The following RORC variants were observed in gnomAD, a reference collection of about 807,000 sequenced individuals.
The protein encoded by RORC is RAR related orphan receptor C.
In RORC, 13 loss-of-function variants were observed where a neutral mutation model predicts 64.5. That is an observed-to-expected ratio of 0.20 (90% confidence interval 0.13 to 0.32). The LOEUF is 0.32. RORC is among the 10% of genes least tolerant of loss of function. RORC has a pLI of 1.00. For synonymous variants in RORC, 277 were observed against 259.3 expected (o/e 1.07, Z -0.65); for missense variants, 468 against 669.5 (o/e 0.70, Z 3.32).
In RORC at chr1:151,807,705, C is replaced by T. The variant is rs1572032474; in HGVS notation, c.1396-72G>A. The T allele has an allele frequency of 6.6e-7, 1 of 1,521,482 alleles. No homozygotes were observed. Among genetic ancestry groups the T allele is most frequent in the Non-Finnish European group, 9.0e-7 (1 of 1,113,720 alleles). The allele number at this position is 1,521,482 out of a possible 1,614,324, so 94.2% of individuals were successfully genotyped here. On this transcript the variant is annotated intron_variant, in intron 10 of 10. Coordinates refer to ENST00000318247, the MANE Select transcript of RORC (RefSeq NM_005060.4). This position sits in a 1 kb window ranked among gnomAD's most constrained non-coding sequence, Gnocchi z 5.0. ...CTCAGAGCAAAGAAGTCCGCTCATT[C>T]TTCCTGGGCTAGGACAAACCCTCCT...
Position 151,813,312 on chromosome 1 carries a change from C to T in RORC, c.1101G>A (p.Arg367=), listed in dbSNP as rs1185658864. The T allele has an allele frequency of 3.1e-6, 5 of 1,614,120 alleles. No homozygotes were observed. Among genetic ancestry groups the T allele is most frequent in the Non-Finnish European group, 3.4e-6 (4 of 1,180,018 alleles). The change falls in exon 8 of 11, where the codon CGG becomes CGA. Residue 367 remains arginine, a synonymous_variant. Coordinates refer to ENST00000318247, the MANE Select transcript of RORC (RefSeq NM_005060.4). ...AMEVVLVRMC[R]AYNADNRTVF... ...CCGTGCGGTTGTCAGCATTGTAGGC[C>T]CGGCACATCCTAACCAGCACCACTT...
intron 1 of RORC, 89 bp downstream of exon 1, chr1:151,831,636 C>T (rs557026327): frequency 1.2e-6 from 2 of 1,605,718 alleles, no homozygotes; most frequent in Admixed American, 3.3e-5. Flanking sequence ...CTCCCCTCCT[C>T]ACTTCTTGCC....
intron 7 of RORC, 60 bp from the exon 8 acceptor site, chr1:151,813,406 G>A: frequency 6.2e-7 from 1 of 1,608,218 alleles, no homozygotes; most frequent in South Asian, 1.1e-5. Context: ...ATCTGACTCT[G>A]TCCCCCTGAT....
intron 1 of RORC, among the ~76,000 whole-genome samples, chr1:151,831,446 C>T (rs532727964): frequency 6.6e-6 from 1 of 152,228 alleles, no homozygotes; most frequent in South Asian, 2.1e-4. Context: ...TGACTTGGCT[C>T]TTCCCTCCCC....
rs200873660 is a variant in RORC at position 151,826,028 on chromosome 1, C to T, written c.70+3401G>A. Reference sequence around the variant, plus strand: ...GGTGCAGCTGGCGGCAGAGGCGGGGCGAGGCCCTCTCAGCAGCGCCTCAGC... The same window carrying T: ...GGTGCAGCTGGCGGCAGAGGCGGGGTGAGGCCCTCTCAGCAGCGCCTCAGC... On this transcript the variant is annotated intron_variant, in intron 2 of 10. Coordinates refer to ENST00000318247, the MANE Select transcript of RORC (RefSeq NM_005060.4). The T allele has an allele frequency of 9.3e-5, 149 of 1,598,458 alleles. No homozygotes were observed. The African/African-American group carries it at 1.7e-3, about 19-fold the overall frequency.
Position 151,830,540 on chromosome 1 carries a change from C to T in RORC, c.41-1082G>A, listed in dbSNP as rs1463709130. On this transcript the variant is annotated intron_variant, in intron 1 of 10. Coordinates refer to ENST00000318247, the MANE Select transcript of RORC (RefSeq NM_005060.4). The surrounding 1 kb of genome is among the most constrained non-coding windows in gnomAD (Gnocchi z 4.0). ...TCTCAGAAAGCCCTTCAACCATGCCCTATACCCCCTATAGCTTCCCTAACC... is the reference window on the plus strand; with the variant it reads ...TCTCAGAAAGCCCTTCAACCATGCCTTATACCCCCTATAGCTTCCCTAACC... Among the ~76,000 whole-genome samples the T allele has an allele frequency of 1.3e-5, 2 of 151,676 alleles. No homozygotes were observed. The highest frequency in any genetic ancestry group is 2.4e-5 in the African/African-American group (1 of 41,104).
chr1:151,814,904 G>C lies in RORC; in HGVS notation c.811+9C>G, dbSNP rs201144886. 55 of 1,608,842 alleles carry C rather than the reference G, an allele frequency of 3.4e-5. No individual in the cohort carries two copies. In the Middle Eastern group the frequency reaches 8.3e-4, roughly 24 times the overall value. ...CTCTACCACCCTCTCCACCTCCCCA[G>C]CTGCTCACCTATCTCTGTCAGGGAG... is the stretch of plus-strand genomic sequence containing the variant. On this transcript the variant is annotated intron_variant, in intron 5 of 10. Coordinates refer to ENST00000318247, the MANE Select transcript of RORC (RefSeq NM_005060.4).
intron 2 of RORC, chr1:151,826,222 G>GGGGA (rs1368410446): frequency 1.9e-6 from 1 of 529,486 alleles, no homozygotes; most frequent in Non-Finnish European, 2.8e-6. Context: ...CAGGGTGTGA[G>GGGGA]GGGAGGGGCA....
intron 10 of RORC, among the ~76,000 whole-genome samples, chr1:151,810,140 ACCCAAAT>A (rs1445173657): frequency 6.6e-6 from 1 of 152,104 alleles, no homozygotes; most frequent in Non-Finnish European, 1.5e-5. Flanking sequence ...CTAGTCCCAC[ACCCAAAT>A]CCCATAAAAC....
chr1:151,819,476 C>T (rs1254734795), intron 2 of RORC, among the ~76,000 whole-genome samples: 2 of 152,172 alleles, frequency 1.3e-5, no homozygotes, highest in South Asian at 2.1e-4. Flanking sequence ...AACACCTCCC[C>T]CTCCAACACT....
chr1:151,812,877 A>C, intron 9 of RORC, 70 bp downstream of exon 9: 1 of 982,268 alleles, frequency 1.0e-6, no homozygotes, highest in Non-Finnish European at 1.6e-6. Flanking sequence ...CTGAAGGTCT[A>C]GACTCTTCTT....
In RORC at chr1:151,807,449, A is replaced by G; in HGVS notation, c.*23T>C. ...AGGTGGGCCAGCAGGCCATAGGGAG[A>G]GGCAAGGAGTCCCTCTTCCAGGTCA... On this transcript the variant is annotated 3_prime_UTR_variant, in exon 11 of 11. Transcript: ENST00000318247. The surrounding 1 kb of genome is among the most constrained non-coding windows in gnomAD (Gnocchi z 5.0). The G allele has an allele frequency of 6.2e-7, 1 of 1,611,830 alleles. No individual in the cohort carries two copies.
chr1:151,814,531 G>A, intron 6 of RORC, 43 bp downstream of exon 6: 1 of 1,583,160 alleles, frequency 6.3e-7, no homozygotes, highest in Non-Finnish European at 8.6e-7. Context: ...CTCTCCCGGT[G>A]GGGGTGGGAT....
chr1:151,831,203 C>T, intron 1 of RORC: 1 of 1,062,436 alleles, frequency 9.4e-7, no homozygotes, highest in Non-Finnish European at 1.2e-6. Context: ...TCATGGGCAG[C>T]TGACAGGGTG....
intron 1 of RORC, chr1:151,831,223 CT>C: frequency 1.3e-6 from 1 of 788,140 alleles, no homozygotes; most frequent in East Asian, 6.6e-5. Flanking sequence ...GTGGTTCCCC[CT>C]GCCACACTCC....
chr1:151,828,978 CAAA>C (rs371746426), intron 2 of RORC, among the ~76,000 whole-genome samples: 86,991 of 130,552 alleles, frequency 0.67, 28,675 homozygotes, highest in East Asian at 0.83. Flanking sequence ...GACTCTGTCT[CAAA>C]AAAAAAAAAA....
intron 4 of RORC, 68 bp from the exon 5 acceptor site, chr1:151,815,493 C>G: frequency 4.7e-6 from 7 of 1,488,406 alleles, no homozygotes; most frequent in Non-Finnish European, 6.3e-6. Context: ...GGTCAGGAGG[C>G]ATTTGGTCAT....
At chr1:151,813,410 C>T (rs1651618339) in intron 7 of RORC, 64 bp from the exon 8 acceptor site, 1 of 1,609,662 alleles carries the variant, frequency 6.2e-7, no homozygotes, top group Non-Finnish European at 8.5e-7. Context: ...GACTCTGTCC[C>T]CCTGATTTCC....
intron 4 of RORC, among the ~76,000 whole-genome samples, chr1:151,816,183 G>A (rs1381925849): frequency 6.6e-6 from 1 of 152,184 alleles, no homozygotes; most frequent in African/African-American, 2.4e-5. Flanking sequence ...GGGTGGATAA[G>A]GCACCAGGAA....
Sources: allele counts gnomAD v4.1 joint callset (sites outside exome capture counted in the v4.1 genomes callset), GRCh38; gene constraint gnomAD v4.1.1; non-coding constraint Gnocchi (gnomAD v3.1); transcripts MANE v1.5; gene names NCBI Gene and HGNC (gene_info 2026-07-23, HGNC 2026-07-21).